The following AGBL4 variants were observed in gnomAD, a reference collection of about 807,000 sequenced individuals.
The protein encoded by AGBL4 is cytosolic carboxypeptidase 6.
AGBL4 carries 58 observed loss-of-function variants against 66.4 expected under a neutral mutation model. That is an observed-to-expected ratio of 0.87 (90% CI 0.71 to 1.09). The LOEUF is 1.09. AGBL4 is among the 50% of genes least tolerant of loss of function. AGBL4 has a pLI of 0.00. For missense variants in AGBL4, 579 were observed against 631.0 expected (o/e 0.92, Z 0.88); for synonymous variants, 234 against 222.9 (o/e 1.05, Z -0.44).
chr1:50,007,502 T>A (rs1006458652), intron 1 of AGBL4, among the ~76,000 whole-genome samples: 2 of 152,080 alleles, frequency 1.3e-5, no homozygotes, highest in African/African-American at 4.8e-5. Context: ...GTGGCTCACA[T>A]CCATAATCCT....
At chr1:49,448,479 T>C (rs1489170975) in intron 3 of AGBL4, among the ~76,000 whole-genome samples, 2 of 152,188 alleles carry the variant, frequency 1.3e-5, no homozygotes, top group Admixed American at 6.5e-5. Flanking sequence ...TTTTTACTGA[T>C]TGCTCTAGCA....
intron 1 of AGBL4, among the ~76,000 whole-genome samples, chr1:50,004,889 G>A (rs962812591): frequency 6.6e-6 from 1 of 151,926 alleles, no homozygotes; most frequent in Non-Finnish European, 1.5e-5. Context: ...GGAGAGGGAA[G>A]AACAAGGGGG....
chr1:49,252,747 C>T (rs762540006), intron 3 of AGBL4, among the ~76,000 whole-genome samples: 19 of 152,052 alleles, frequency 1.2e-4, no homozygotes, highest in African/African-American at 4.6e-4. Context: ...ACATTTAGGG[C>T]CAATATTCAA....
chr1:49,562,122 G>C (rs188199764), intron 3 of AGBL4, among the ~76,000 whole-genome samples: 11 of 152,248 alleles, frequency 7.2e-5, no homozygotes, highest in African/African-American at 2.6e-4. Flanking sequence ...AGAAGTGTGG[G>C]TTCATATCCT....
chr1:49,352,607 A>G (rs905477894), intron 3 of AGBL4, among the ~76,000 whole-genome samples: 18 of 152,086 alleles, frequency 1.2e-4, no homozygotes, highest in African/African-American at 4.1e-4. Flanking sequence ...CCAGAGACAG[A>G]AGCCTCCAGC....
chr1:49,445,502 T>C (rs1369014315), intron 3 of AGBL4, among the ~76,000 whole-genome samples: 1 of 152,164 alleles, frequency 6.6e-6, no homozygotes, highest in Non-Finnish European at 1.5e-5. Flanking sequence ...TGTTTTATGT[T>C]ATCTGAAATA....
Position 48,918,866 on chromosome 1 carries a change from A to G in AGBL4, c.595-51636T>C, listed in dbSNP as rs190263254. 3.1e-3 allele frequency among the ~76,000 whole-genome samples: 472 copies of G among 152,296 alleles called. 3 individuals carry two copies. The highest frequency in any genetic ancestry group is 0.01 in the African/African-American group (421 of 41,580). ...TTGTGGACTTGAGGTACCTCTCTGC[A>G]TCTCTCTTGAGTGGCCAGGAAAAGC... On this transcript the variant is annotated intron_variant, in intron 5 of 13. Coordinates refer to ENST00000371839, the MANE Select transcript of AGBL4 (RefSeq NM_032785.4).
intron 5 of AGBL4, among the ~76,000 whole-genome samples, chr1:48,952,230 C>T (rs531881082): frequency 6.6e-6 from 1 of 152,188 alleles, no homozygotes; most frequent in Non-Finnish European, 1.5e-5. Flanking sequence ...ATTTGTTTAA[C>T]ACATATTAAT....
intron 3 of AGBL4, among the ~76,000 whole-genome samples, chr1:49,516,568 A>C (rs1283892222): frequency 6.6e-6 from 1 of 152,100 alleles, no homozygotes; most frequent in Non-Finnish European, 1.5e-5. Flanking sequence ...AATCAGGGAC[A>C]GATACTGAAG....
At chr1:49,643,245 G>C (rs1462903412) in intron 3 of AGBL4, among the ~76,000 whole-genome samples, 2 of 151,692 alleles carry the variant, frequency 1.3e-5, no homozygotes, top group Non-Finnish European at 3.0e-5. Context: ...ACTGCTATTG[G>C]AAAGATTAGC....
intron 2 of AGBL4, among the ~76,000 whole-genome samples, chr1:49,792,780 T>C (rs1644632340): frequency 2.6e-5 from 4 of 151,890 alleles, no homozygotes; most frequent in African/African-American, 7.2e-5. Flanking sequence ...AGGGCAATGG[T>C]TCTGGCAAAA....
intron 3 of AGBL4, among the ~76,000 whole-genome samples, chr1:49,489,461 A>G (rs1348645214): frequency 6.6e-6 from 1 of 151,872 alleles, no homozygotes; most frequent in Non-Finnish European, 1.5e-5. Context: ...TAGTTTGCAC[A>G]TATTTTCTCC....
At chr1:49,195,941 C>G (rs1647231656) in intron 4 of AGBL4, among the ~76,000 whole-genome samples, 1 of 152,174 alleles carries the variant, frequency 6.6e-6, no homozygotes, top group African/African-American at 2.4e-5. Context: ...TGAGTTCCCA[C>G]AAGATCTGAT....
chr1:48,561,405 G>T (rs566603922), intron 11 of AGBL4, among the ~76,000 whole-genome samples: 9 of 152,104 alleles, frequency 5.9e-5, no homozygotes, highest in African/African-American at 2.2e-4. Context: ...CTTTGTACTG[G>T]GTCTTTGGAA....
chr1:49,244,346 C>T lies in AGBL4; in HGVS notation c.377+1424G>A, dbSNP rs141849259. Among the ~76,000 whole-genome samples, 11 of 151,750 alleles carry T rather than the reference C, an allele frequency of 7.2e-5. No individual in the cohort carries two copies. The East Asian group carries it at 1.9e-3, about 27-fold the overall frequency. ...TATTATTATCTACTTGGGCTGGAAC[C>T]AGAGACTCAAAGCAAAGGCCTACCC... On this transcript the variant is annotated intron_variant, in intron 4 of 13. Coordinates refer to ENST00000371839, the MANE Select transcript of AGBL4 (RefSeq NM_032785.4).
At chr1:48,827,533 T>C (rs935189523) in intron 6 of AGBL4, among the ~76,000 whole-genome samples, 12 of 152,196 alleles carry the variant, frequency 7.9e-5, no homozygotes, top group Non-Finnish European at 1.5e-5. Context: ...TGCTATCGTT[T>C]TCTTGGCTCT....
chr1:49,157,754 C>G (rs1381540038), intron 4 of AGBL4, among the ~76,000 whole-genome samples: 1 of 152,090 alleles, frequency 6.6e-6, no homozygotes, highest in Non-Finnish European at 1.5e-5. Context: ...TGTTTCCTGT[C>G]TTTTAATGAT....
chr1:49,102,008 A>T, intron 4 of AGBL4, among the ~76,000 whole-genome samples: 1 of 151,940 alleles, frequency 6.6e-6, no homozygotes. Context: ...CTAGGCCATG[A>T]TCAACTGAGA....
chr1:48,737,130 A>C (rs1649187315), intron 6 of AGBL4, among the ~76,000 whole-genome samples: 1 of 151,962 alleles, frequency 6.6e-6, no homozygotes, highest in African/African-American at 2.4e-5. Context: ...AAAAATACAA[A>C]AAAATTAGCC....
Sources: allele counts gnomAD v4.1 joint callset (sites outside exome capture counted in the v4.1 genomes callset), GRCh38; gene constraint gnomAD v4.1.1; transcripts MANE v1.5; gene names NCBI Gene and HGNC (gene_info 2026-07-23, HGNC 2026-07-21).